CNTN6: variants seen among roughly 807,000 people sequenced by gnomAD.
CNTN6 encodes the protein contactin 6.
In CNTN6, 137 loss-of-function variants were observed where a neutral mutation model predicts 122.8. The observed-to-expected ratio is 1.12, with a 90% confidence interval of 0.97 to 1.29. CNTN6 has a LOEUF of 1.29. CNTN6 is among the 50% of genes most tolerant of loss of function. CNTN6 has a pLI of 0.00. For synonymous variants in CNTN6, 570 were observed against 426.0 expected, an observed-to-expected ratio of 1.34 and a Z score of -4.16; for missense variants, 1,634 against 1,223.4, an observed-to-expected ratio of 1.34 and a Z score of -5.01.
At chr3:1,217,575 G>A (rs1433738162) in intron 2 of CNTN6, among the ~76,000 whole-genome samples, 1 of 152,192 alleles carries the variant, frequency 6.6e-6, no homozygotes, top group Admixed American at 6.5e-5. Flanking sequence ...TTTTCTCAAG[G>A]CAGTGGCTTG....
At chr3:1,141,502 C>T (rs1165958149) in intron 1 of CNTN6, among the ~76,000 whole-genome samples, 1 of 152,162 alleles carries the variant, frequency 6.6e-6, no homozygotes, top group Non-Finnish European at 1.5e-5. Context: ...CTTGACCATT[C>T]TACTGCCCTG....
intron 2 of CNTN6, among the ~76,000 whole-genome samples, chr3:1,191,096 C>G (rs1350534731): frequency 6.6e-6 from 1 of 152,086 alleles, no homozygotes; most frequent in Admixed American, 6.6e-5. Context: ...ATACTGAGCT[C>G]CTAAAACTCT....
In CNTN6 at chr3:1,217,189, C is replaced by G. The variant is rs574010287; in HGVS notation, c.56-3498C>G. Among the ~76,000 whole-genome samples, 4 of 152,306 alleles carry G rather than the reference C, an allele frequency of 2.6e-5. No homozygotes were observed. The South Asian group carries it at 8.3e-4, about 32-fold the overall frequency. On this transcript the variant is annotated intron_variant, in intron 2 of 22. Transcript: ENST00000446702. ...GAGCACACGTTCTTAACCAGTAGCT[C>G]TATGGTCTTTCCAACCAAGAAGTCT...
chr3:1,276,905 A>C (rs546552548), intron 4 of CNTN6, among the ~76,000 whole-genome samples: 2 of 152,318 alleles, frequency 1.3e-5, no homozygotes, highest in East Asian at 3.9e-4. Flanking sequence ...GCTCTTTTGC[A>C]TTCAGCAAGT....
intron 2 of CNTN6, among the ~76,000 whole-genome samples, chr3:1,189,685 T>G (rs1302213319): frequency 6.6e-6 from 1 of 152,160 alleles, no homozygotes; most frequent in East Asian, 1.9e-4. Context: ...GATGCTTGCA[T>G]TTAGTACTAA....
chr3:1,401,594 A>G (rs1453663781), intron 21 of CNTN6, 49 bp downstream of exon 21: 1 of 1,304,050 alleles, frequency 7.7e-7, no homozygotes, highest in African/African-American at 1.5e-5. Flanking sequence ...TTACTAAGGA[A>G]TGAAACATGT....
intron 20 of CNTN6, 157 bp from the exon 21 acceptor site, chr3:1,401,276 T>C: frequency 1.7e-6 from 1 of 605,458 alleles, no homozygotes; most frequent in Non-Finnish European, 2.9e-6. Context: ...ATTTGCTTAC[T>C]GTGATTAGAA....
chr3:1,202,775 G>T (rs1043364124), intron 2 of CNTN6, among the ~76,000 whole-genome samples: 1 of 152,014 alleles, frequency 6.6e-6, no homozygotes, highest in Non-Finnish European at 1.5e-5. Context: ...GCTCATAAAA[G>T]AAAACAAAAA....
At chr3:1,165,732 A>T (rs1441372746) in intron 2 of CNTN6, among the ~76,000 whole-genome samples, 1 of 152,214 alleles carries the variant, frequency 6.6e-6, no homozygotes, top group East Asian at 1.9e-4. Flanking sequence ...TCCATTTGTA[A>T]TGAAGAAATC....
At chr3:1,291,013 AC>A (rs757951359) in intron 5 of CNTN6, among the ~76,000 whole-genome samples, 6 of 152,180 alleles carry the variant, frequency 3.9e-5, no homozygotes, top group Non-Finnish European at 8.8e-5. Flanking sequence ...CTCATTTTAC[AC>A]AGCCCGTATT....
chr3:1,150,860 G>C (rs1171662670), intron 2 of CNTN6, among the ~76,000 whole-genome samples: 3 of 152,138 alleles, frequency 2.0e-5, no homozygotes, highest in Non-Finnish European at 4.4e-5. Context: ...GAAGGAGGCA[G>C]AGTTAGACCT....
At chr3:1,277,378 G>A (rs1575524565) in intron 4 of CNTN6, among the ~76,000 whole-genome samples, 1 of 23,594 alleles carries the variant, frequency 4.2e-5, no homozygotes, top group African/African-American at 1.5e-4. Flanking sequence ...TTTTTTTTTT[G>A]AGACCGATTC....
At position 1,373,665 on chromosome 3, in the gene CNTN6, A is replaced by G. The variant is rs1268073061; in HGVS notation, c.1848A>G (p.Leu616=). The G allele has an allele frequency of 1.2e-6, 2 of 1,613,102 alleles. No individual in the cohort carries two copies. The highest frequency in any genetic ancestry group is 1.1e-5 in the South Asian group (1 of 91,038). The change falls in exon 15 of 23, where the codon CTA becomes CTG. Residue 616 remains leucine (L), a synonymous_variant. Transcript: ENST00000446702. The part of the protein sequence containing the change: ...VEDISSTTSQ[L]SWRAGPDNNS... The stretch of plus-strand genomic sequence containing the variant: ...ACATTTCCAGTACTACTTCTCAACT[A>G]AGTTGGAGAGCAGGCCCAGATAATA...
chr3:1,349,475 C>A (rs4684124), intron 11 of CNTN6, among the ~76,000 whole-genome samples: 13,188 of 151,470 alleles, frequency 0.087, 695 homozygotes, highest in Non-Finnish European at 0.12. Flanking sequence ...TATGTTATTA[C>A]CAATCCTTGA....
intron 2 of CNTN6, among the ~76,000 whole-genome samples, chr3:1,181,897 T>C (rs1195798127): frequency 6.6e-6 from 1 of 152,116 alleles, no homozygotes; most frequent in Non-Finnish European, 1.5e-5. Context: ...ACATTGTTTC[T>C]TTCCATACAC....
chr3:1,214,301 C>CTTTTTTTTTTT (rs34799447), intron 2 of CNTN6, among the ~76,000 whole-genome samples: 2 of 44,028 alleles, frequency 4.5e-5, no homozygotes, highest in Non-Finnish European at 7.6e-5. Flanking sequence ...TGTTGGATGT[C>CTTTTTTTTTTT]TTTTTTTTTT....
At position 1,210,998 on chromosome 3, in the gene CNTN6, A is replaced by G. The variant is rs182529684; in HGVS notation, c.56-9689A>G. ...TCAGTGTAAATGTGACTCACTGCTG[A>G]CCCACTGACTTCCAGGTTCTCCCTT... On this transcript the variant is annotated intron_variant, in intron 2 of 22. Coordinates refer to ENST00000446702, the MANE Select transcript of CNTN6 (RefSeq NM_001289080.2). Among the ~76,000 whole-genome samples the G allele has an allele frequency of 5.5e-3, 836 of 152,252 alleles. 5 individuals carry two copies. The highest frequency in any genetic ancestry group is 8.1e-3 in the Admixed American group (124 of 15,280).
At chr3:1,249,089 T>C (rs925161744) in intron 4 of CNTN6, among the ~76,000 whole-genome samples, 1 of 152,132 alleles carries the variant, frequency 6.6e-6, no homozygotes, top group Non-Finnish European at 1.5e-5. Flanking sequence ...TGGACAGATA[T>C]CAGACGGTGG....
chr3:1,283,964 A>C (rs796204232), intron 5 of CNTN6, among the ~76,000 whole-genome samples: 1 of 152,210 alleles, frequency 6.6e-6, no homozygotes, highest in Non-Finnish European at 1.5e-5. Flanking sequence ...ATGCCTTTGC[A>C]CTCCAGCCTG....
Sources: allele counts gnomAD v4.1 joint callset (sites outside exome capture counted in the v4.1 genomes callset), GRCh38; gene constraint gnomAD v4.1.1; transcripts MANE v1.5; gene names NCBI Gene and HGNC (gene_info 2026-07-23, HGNC 2026-07-21).